Variants in THSD7A observed in about 807,000 individuals in gnomAD.
THSD7A encodes the protein thrombospondin type 1 domain containing 7A.
THSD7A carries 96 observed loss-of-function variants against 231.3 expected under a neutral mutation model. The observed-to-expected ratio is 0.41, with a 90% CI of 0.35 to 0.49. THSD7A has a LOEUF of 0.49. Among genes scored for constraint, THSD7A ranks in the 20% least tolerant of loss-of-function variants. The probability of loss-of-function intolerance (pLI) is 0.05; values close to 1 mark genes in which losing one functional copy is unlikely to be tolerated. For synonymous variants in THSD7A, 940 were observed against 743.3 expected (o/e 1.26, Z -4.30); for missense variants, 2,290 against 2,070.2 (o/e 1.11, Z -2.06).
In THSD7A at chr7:11,379,200, G is replaced by T. The variant is rs760441064; in HGVS notation, c.4671C>A (p.Pro1557=). 1 of 1,613,636 alleles carries T rather than the reference G, an allele frequency of 6.2e-7. No homozygotes were observed. The highest frequency in any genetic ancestry group is 2.2e-5 in the East Asian group (1 of 44,844). ...CCTCCATGGTGGGTAATACCACCAC[G>T]GGGATAAGTGTGCATTGCTCAAGGG... The part of the protein sequence containing the change: ...NSTLEQCTLI[P]VVVLPTMEDK... Residue 1557 remains proline (P), a synonymous_variant, in exon 26 of 28, where the codon CCC becomes CCA. Transcript: ENST00000423059.
chr7:11,483,624 CTT>C (rs935095295), intron 6 of THSD7A, among the ~76,000 whole-genome samples: 13 of 152,160 alleles, frequency 8.5e-5, no homozygotes, highest in African/African-American at 2.6e-4. Context: ...ATATTTTACA[CTT>C]GACATAATAA....
chr7:11,784,036 TA>T (rs1783711303), intron 1 of THSD7A, among the ~76,000 whole-genome samples: 1 of 152,000 alleles, frequency 6.6e-6, no homozygotes, highest in Admixed American at 6.6e-5. Context: ...CTTTTGACTA[TA>T]ATATTAGAGT....
chr7:11,404,954 G>GT (rs1455211141), intron 22 of THSD7A, among the ~76,000 whole-genome samples: 1 of 151,844 alleles, frequency 6.6e-6, no homozygotes, highest in Non-Finnish European at 1.5e-5. Context: ...CAGATTTTTG[G>GT]TTTTTAAAAA....
intron 1 of THSD7A, among the ~76,000 whole-genome samples, chr7:11,763,487 T>A (rs1194304782): frequency 2.0e-5 from 3 of 152,164 alleles, no homozygotes; most frequent in Non-Finnish European, 4.4e-5. Context: ...TGTACACATA[T>A]ATACACATCT....
chr7:11,440,931 G>A (rs1312233792), intron 13 of THSD7A, among the ~76,000 whole-genome samples: 1 of 152,010 alleles, frequency 6.6e-6, no homozygotes, highest in Non-Finnish European at 1.5e-5. Context: ...AAACAACATT[G>A]CATGCAACAG....
At chr7:11,701,746 TACAA>T (rs1780607858) in intron 1 of THSD7A, among the ~76,000 whole-genome samples, 2 of 151,206 alleles carry the variant, frequency 1.3e-5, no homozygotes, top group Admixed American at 6.6e-5. Context: ...CATTTTAAGT[TACAA>T]AGCCCTAGCT....
chr7:11,618,467 G>A (rs1781186621), intron 2 of THSD7A, among the ~76,000 whole-genome samples: 1 of 152,074 alleles, frequency 6.6e-6, no homozygotes, highest in South Asian at 2.1e-4. Flanking sequence ...CACTCCATTG[G>A]GGAATGAGGA....
intron 9 of THSD7A, among the ~76,000 whole-genome samples, chr7:11,469,093 G>A (rs1785829879): frequency 1.3e-5 from 2 of 151,956 alleles, no homozygotes; most frequent in South Asian, 4.1e-4. Context: ...TCTAGTAAGT[G>A]TTAAGAAACA....
intron 1 of THSD7A, among the ~76,000 whole-genome samples, chr7:11,802,099 A>C (rs1456500297): frequency 1.3e-5 from 2 of 152,310 alleles, no homozygotes; most frequent in Non-Finnish European, 2.9e-5. Flanking sequence ...CTCAAGGCTG[A>C]AATTTCCTGG....
intron 2 of THSD7A, among the ~76,000 whole-genome samples, chr7:11,630,110 T>C (rs1259013660): frequency 6.6e-6 from 1 of 152,240 alleles, no homozygotes; most frequent in Non-Finnish European, 1.5e-5. Flanking sequence ...ACAACTGTTA[T>C]AAAGCAAATG....
chr7:11,426,725 A>G, intron 14 of THSD7A, 54 bp from the exon 15 acceptor site: 1 of 1,522,906 alleles, frequency 6.6e-7, no homozygotes, highest in African/African-American at 1.4e-5. Flanking sequence ...AGGTAGGTGA[A>G]AATGTCAGTA....
chr7:11,396,830 G>A (rs7782631), intron 23 of THSD7A, among the ~76,000 whole-genome samples: 46,624 of 151,054 alleles, frequency 0.31, 8,954 homozygotes, highest in African/African-American at 0.54. Flanking sequence ...ACAATAAAGA[G>A]AAACAAATTT....
At position 11,636,024 on chromosome 7, in the gene THSD7A, T is replaced by C; in HGVS notation, c.1022+106A>G. 9.3e-7 allele frequency: 1 copy of C among 1,076,808 alleles called. No homozygotes were observed. The highest frequency in any genetic ancestry group is 1.3e-6 in the Non-Finnish European group (1 of 754,196). The allele number at this position is 1,076,808 out of a possible 1,614,324, so 66.7% of individuals were successfully genotyped here. On this transcript the variant is annotated intron_variant, in intron 2 of 27. Transcript: ENST00000423059. The surrounding 1 kb of genome is among the most constrained non-coding windows in gnomAD (Gnocchi z 10.0). ...AAATTTGGGGGTAGCTCATCCTAGG[T>C]TGTGCCCCTACGTAATCCAGAAGTT... is the stretch of plus-strand genomic sequence containing the variant.
chr7:11,433,579 A>G (rs1283977329), intron 13 of THSD7A, among the ~76,000 whole-genome samples: 1 of 152,014 alleles, frequency 6.6e-6, no homozygotes, highest in South Asian at 2.1e-4. Flanking sequence ...CAAAGGTAAT[A>G]AGTTATTTCA....
In THSD7A at chr7:11,513,896, C is replaced by G. The variant is rs890089828; in HGVS notation, c.1822+27523G>C. ...CATTTTTACTCCCCTTCATCCCCCT[C>G]CCCCCTTACACTTTCCCTACACACA... On this transcript the variant is annotated intron_variant, in intron 6 of 27. Transcript: ENST00000423059. 1.2e-4 allele frequency among the ~76,000 whole-genome samples: 18 copies of G among 151,560 alleles called. No individual in the cohort carries two copies. In the South Asian group the frequency reaches 2.3e-3, roughly 19 times the overall value.
intron 2 of THSD7A, among the ~76,000 whole-genome samples, chr7:11,607,591 C>G (rs1780775752): frequency 6.6e-6 from 1 of 151,596 alleles, no homozygotes; most frequent in East Asian, 1.9e-4. Context: ...ACACTTCTTT[C>G]TTGAATACAA....
At chr7:11,601,059 T>C (rs762668116) in intron 2 of THSD7A, among the ~76,000 whole-genome samples, 1 of 152,224 alleles carries the variant, frequency 6.6e-6, no homozygotes, top group Non-Finnish European at 1.5e-5. Flanking sequence ...TTTATACTTA[T>C]GAGTTTATCA....
intron 1 of THSD7A, among the ~76,000 whole-genome samples, chr7:11,762,266 T>A (rs1383917594): frequency 6.6e-6 from 1 of 152,150 alleles, no homozygotes; most frequent in African/African-American, 2.4e-5. Flanking sequence ...TTAGTGGGAT[T>A]GCTAGGTTGA....
In THSD7A at chr7:11,376,489, G is replaced by A. The variant is rs576157382; in HGVS notation, c.4889+81C>T. 34 of 1,060,734 alleles carry A rather than the reference G, an allele frequency of 3.2e-5. 1 individual carries two copies. In the South Asian group the frequency reaches 5.1e-4, roughly 16 times the overall value. 65.7% of individuals were successfully genotyped at this position (1,060,734 alleles called of 1,614,324 possible). The stretch of plus-strand genomic sequence containing the variant: ...CATGTGAACACCAGATAAATGTAGA[G>A]TACTTATTTGAGACATTAGTTTGCT... On this transcript the variant is annotated intron_variant, in intron 27 of 27. Coordinates refer to ENST00000423059, the MANE Select transcript of THSD7A (RefSeq NM_015204.3).
Sources: allele counts gnomAD v4.1 joint callset (sites outside exome capture counted in the v4.1 genomes callset), GRCh38; gene constraint gnomAD v4.1.1; non-coding constraint Gnocchi (gnomAD v3.1); transcripts MANE v1.5; gene names NCBI Gene and HGNC (gene_info 2026-07-23, HGNC 2026-07-21).